The following COXFA4L3 variants were observed in gnomAD, a reference collection of about 807,000 sequenced individuals.
The protein encoded by COXFA4L3 is MIR147B host.
the COXFA4L3 span, among the ~76,000 whole-genome samples, chr15:45,431,777 G>A: frequency 2.6e-5 from 4 of 152,262 alleles, no homozygotes; most frequent in South Asian, 8.3e-4. Flanking sequence ...CCTTGGCTTG[G>A]CAGTTTCACT....
chr15:45,433,027 C>T, the COXFA4L3 span: 1 of 1,609,928 alleles, frequency 6.2e-7, no homozygotes, highest in Non-Finnish European at 8.5e-7. Flanking sequence ...CGAGCCCTCG[C>T]CTCTTTCTTC....
the COXFA4L3 span, chr15:45,431,192 A>T: frequency 7.0e-6 from 6 of 855,000 alleles, no homozygotes; most frequent in Non-Finnish European, 1.1e-5. Context: ...GAGAATGCCA[A>T]ATTGTGAACT....
At chr15:45,430,882 A>T in the COXFA4L3 span, 3 of 1,574,276 alleles carry the variant, frequency 1.9e-6, no homozygotes, top group Non-Finnish European at 2.6e-6. Flanking sequence ...TCATTTTTAA[A>T]GATGAAAAGA....
At chr15:45,432,006 A>C in the COXFA4L3 span, 3 of 1,394,160 alleles carry the variant, frequency 2.2e-6, no homozygotes, top group East Asian at 2.3e-5. Flanking sequence ...CATGTTTATA[A>C]ACCCAGTATC....
the COXFA4L3 span, among the ~76,000 whole-genome samples, chr15:45,432,562 G>C: frequency 6.6e-6 from 1 of 152,190 alleles, no homozygotes; most frequent in Non-Finnish European, 1.5e-5. Flanking sequence ...CTACTGGAGA[G>C]GCTGAGGCAC....
At chr15:45,430,818 A>G in the COXFA4L3 span, 2 of 1,611,408 alleles carry the variant, frequency 1.2e-6, no homozygotes, top group East Asian at 4.5e-5. Flanking sequence ...CCAACTCCTG[A>G]TGAAAAGGAA....
the COXFA4L3 span, chr15:45,432,188 G>C: frequency 1.4e-6 from 2 of 1,427,230 alleles, no homozygotes; most frequent in Non-Finnish European, 2.0e-6. Context: ...TAGCACCTTT[G>C]TGAGCAAAAT....
the COXFA4L3 span, among the ~76,000 whole-genome samples, chr15:45,432,329 A>G: frequency 2.0e-5 from 3 of 152,212 alleles, no homozygotes; most frequent in Non-Finnish European, 4.4e-5. Flanking sequence ...AAGCATATAC[A>G]CTTTTGGAAC....
At chr15:45,433,147 G>T in the COXFA4L3 span, 1 of 967,462 alleles carries the variant, frequency 1.0e-6, no homozygotes, top group Non-Finnish European at 1.7e-6. Flanking sequence ...TACATTTTTT[G>T]GGCTCTGGAT....
chr15:45,430,849 A>G, the COXFA4L3 span: 3 of 1,606,338 alleles, frequency 1.9e-6, no homozygotes, highest in South Asian at 1.1e-5. Flanking sequence ...TTTAAAAACA[A>G]TTGAAAATCT....
At chr15:45,432,927 T>C in the COXFA4L3 span, 1 of 1,580,178 alleles carries the variant, frequency 6.3e-7, no homozygotes, top group Admixed American at 2.0e-5. Flanking sequence ...AGGTTTTTTT[T>C]TTTTCCTTTT....
the COXFA4L3 span, among the ~76,000 whole-genome samples, chr15:45,432,515 A>C: frequency 6.6e-6 from 1 of 152,208 alleles, no homozygotes; most frequent in East Asian, 1.9e-4. Flanking sequence ...AAATACAAAA[A>C]TTAGCTGGGT....
At chr15:45,430,783 T>G in the COXFA4L3 span, 1 of 1,610,510 alleles carries the variant, frequency 6.2e-7, no homozygotes, top group Non-Finnish European at 8.5e-7. Context: ...TGGCAATTCT[T>G]CGCTGAAGTC....
chr15:45,430,974 G>A, the COXFA4L3 span: 1 of 1,607,814 alleles, frequency 6.2e-7, no homozygotes, highest in Non-Finnish European at 8.5e-7. Flanking sequence ...GTGTCCAAAT[G>A]TGTCCCCTCC....
At chr15:45,433,095 C>G in the COXFA4L3 span, 3 of 1,380,668 alleles carry the variant, frequency 2.2e-6, no homozygotes, top group South Asian at 3.5e-5. Flanking sequence ...ATTCTGGACA[C>G]CAGTGTGCGG....
At chr15:45,431,454 T>C in the COXFA4L3 span, 1 of 179,192 alleles carries the variant, frequency 5.6e-6, no homozygotes, top group Non-Finnish European at 1.2e-5. Flanking sequence ...TTGGGAGATA[T>C]ATATCATGAA....
chr15:45,430,709 G>A, the COXFA4L3 span: 2 of 1,332,566 alleles, frequency 1.5e-6, no homozygotes, highest in South Asian at 1.3e-5. Flanking sequence ...TTGGCCTGCG[G>A]AGCGCGGTGG....
chr15:45,431,040 G>A, the COXFA4L3 span: 3 of 1,614,110 alleles, frequency 1.9e-6, no homozygotes, highest in Non-Finnish European at 2.5e-6. Context: ...GGCGGCGGGT[G>A]GAGCCTCATC....
At chr15:45,430,676 G>A in the COXFA4L3 span, 1 of 871,712 alleles carries the variant, frequency 1.1e-6, no homozygotes, top group African/African-American at 1.7e-5. Flanking sequence ...CATCTGCAGA[G>A]ACGCGGACGC....
Sources: gnomAD v4.1 joint callset for allele counts (sites outside exome capture counted in the v4.1 genomes callset) on GRCh38, gnomAD v4.1.1 for gene constraint, MANE v1.5 for transcripts, NCBI Gene and HGNC (gene_info 2026-07-23, HGNC 2026-07-21) for gene names.